EPHB1: variants seen among roughly 807,000 people sequenced by gnomAD.
The protein encoded by EPHB1 is EPH receptor B1, also known as ephrin type-B receptor 1.
In EPHB1, 30 loss-of-function variants were observed where a neutral mutation model predicts 94.4. The ratio of observed to expected loss-of-function variants is 0.32; its 90% CI spans 0.24 to 0.43. The LOEUF (loss-of-function observed/expected upper bound fraction) is 0.43, where lower values mean the gene tolerates loss of function less well. EPHB1 is among the 20% of genes least tolerant of loss of function. EPHB1 has a pLI of 1.00. For missense variants in EPHB1, 1,055 were observed against 1,308.3 expected (o/e 0.81, Z 2.99); for synonymous variants, 522 against 489.1 (o/e 1.07, Z -0.89).
At chr3:134,887,527 C>G (rs1164289265) in intron 1 of EPHB1, among the ~76,000 whole-genome samples, 1 of 152,170 alleles carries the variant, frequency 6.6e-6, no homozygotes, top group East Asian at 1.9e-4. Context: ...GGACAAAAGG[C>G]AGCCAGGAAG....
At chr3:135,021,408 C>G (rs1467507909) in intron 3 of EPHB1, among the ~76,000 whole-genome samples, 1 of 151,834 alleles carries the variant, frequency 6.6e-6, no homozygotes, top group African/African-American at 2.4e-5. Flanking sequence ...CAATTTAGGG[C>G]CTTCCCGATG....
chr3:135,114,663 C>A (rs1559836540), intron 4 of EPHB1, among the ~76,000 whole-genome samples: 1 of 149,678 alleles, frequency 6.7e-6, no homozygotes, highest in Non-Finnish European at 1.5e-5. Flanking sequence ...GCAGAGGTTG[C>A]AGTGAGCCAA....
intron 1 of EPHB1, among the ~76,000 whole-genome samples, chr3:134,807,541 G>A (rs59581889): frequency 0.63 from 54,526 of 87,222 alleles, 12,057 homozygotes; most frequent in African/African-American, 0.71. Flanking sequence ...GTGTGTGTGT[G>A]AGAGAGAGAG....
At chr3:134,905,652 T>C (rs1205056911) in intron 1 of EPHB1, among the ~76,000 whole-genome samples, 1 of 152,060 alleles carries the variant, frequency 6.6e-6, no homozygotes, top group Non-Finnish European at 1.5e-5. Context: ...GCCTGTGGAG[T>C]ACACCACACT....
chr3:135,143,432 C>T (rs954715978), intron 5 of EPHB1, among the ~76,000 whole-genome samples: 6 of 152,180 alleles, frequency 3.9e-5, no homozygotes, highest in South Asian at 4.2e-4. Flanking sequence ...TGATGTCAGC[C>T]TTAGGGTGGT....
intron 3 of EPHB1, among the ~76,000 whole-genome samples, chr3:134,959,966 C>CTTTTTTTTTTTTTTTT (rs61369813): frequency 5.6e-5 from 6 of 107,376 alleles, no homozygotes; most frequent in Non-Finnish European, 9.6e-5. Flanking sequence ...ACATCTGCAC[C>CTTTTTTTTTTTTTTTT]TTTTTTTTTT....
intron 3 of EPHB1, among the ~76,000 whole-genome samples, chr3:135,047,437 A>G (rs1937027853): frequency 6.6e-6 from 1 of 152,192 alleles, no homozygotes; most frequent in South Asian, 2.1e-4. Context: ...ACCCTGTTAA[A>G]GGTCCATTGG....
chr3:135,103,602 C>T (rs991981774), intron 3 of EPHB1, among the ~76,000 whole-genome samples: 1 of 152,162 alleles, frequency 6.6e-6, no homozygotes, highest in Non-Finnish European at 1.5e-5. Context: ...CTTTTTCATA[C>T]ACCTTTTATG....
intron 12 of EPHB1, among the ~76,000 whole-genome samples, chr3:135,240,165 GT>G: frequency 6.6e-6 from 1 of 152,216 alleles, no homozygotes. Flanking sequence ...ACTTTTCAAT[GT>G]TTTTAACAAT....
intron 13 of EPHB1, among the ~76,000 whole-genome samples, chr3:135,247,860 T>C (rs1943965582): frequency 6.6e-6 from 1 of 152,292 alleles, no homozygotes; most frequent in South Asian, 2.1e-4. Context: ...CTCTTCCAAA[T>C]GAAAGAATGA....
intron 10 of EPHB1, among the ~76,000 whole-genome samples, chr3:135,189,040 A>C (rs1021185471): frequency 6.6e-6 from 1 of 152,344 alleles, no homozygotes; most frequent in Non-Finnish European, 1.5e-5. Context: ...TAATTTTTAA[A>C]AACTGTATGA....
intron 5 of EPHB1, among the ~76,000 whole-genome samples, chr3:135,133,886 T>G (rs1313356670): frequency 6.6e-6 from 1 of 152,242 alleles, no homozygotes; most frequent in Non-Finnish European, 1.5e-5. Flanking sequence ...TAAGAGACAG[T>G]CATTTAGCAT....
intron 1 of EPHB1, among the ~76,000 whole-genome samples, chr3:134,891,497 A>G (rs2037982658): frequency 6.6e-6 from 1 of 152,342 alleles, no homozygotes; most frequent in East Asian, 1.9e-4. Context: ...AATAGAAAGT[A>G]TCCATGTACT....
At chr3:134,805,555 C>T (rs889176478) in intron 1 of EPHB1, among the ~76,000 whole-genome samples, 2 of 152,130 alleles carry the variant, frequency 1.3e-5, no homozygotes, top group African/African-American at 2.4e-5. Flanking sequence ...TCCTGCCCAG[C>T]AGCACTTCCT....
At chr3:135,135,157 T>C (rs1263210786) in intron 5 of EPHB1, among the ~76,000 whole-genome samples, 17 of 152,088 alleles carry the variant, frequency 1.1e-4, no homozygotes, top group Admixed American at 1.1e-3. Flanking sequence ...CACCTTCCAA[T>C]CTATGATTCC....
intron 3 of EPHB1, among the ~76,000 whole-genome samples, chr3:134,958,409 A>AGG (rs746033923): frequency 1.0e-5 from 1 of 96,800 alleles, no homozygotes; most frequent in African/African-American, 5.5e-5. Flanking sequence ...GAGGAACACA[A>AGG]GGGAGTGTGT....
At chr3:135,252,205 ATATTTTTTATT>A (rs1253741416) in intron 15 of EPHB1, among the ~76,000 whole-genome samples, 1 of 150,950 alleles carries the variant, frequency 6.6e-6, no homozygotes, top group Admixed American at 6.6e-5. Context: ...TTATTTTTTA[ATATTTTTTATT>A]TATTTTTTAT....
At chr3:135,235,957 C>A (rs1943641754) in intron 12 of EPHB1, among the ~76,000 whole-genome samples, 1 of 152,166 alleles carries the variant, frequency 6.6e-6, no homozygotes, top group Non-Finnish European at 1.5e-5. Flanking sequence ...CCTCTTGCCC[C>A]CTAATAGTAG....
intron 9 of EPHB1, among the ~76,000 whole-genome samples, chr3:135,175,966 A>G (rs1203023475): frequency 1.3e-5 from 2 of 152,222 alleles, no homozygotes; most frequent in Non-Finnish European, 2.9e-5. Context: ...GAGCAGGAAC[A>G]TGCTGATGTA....
Sources: gnomAD v4.1 joint callset for allele counts (sites outside exome capture counted in the v4.1 genomes callset) on GRCh38, gnomAD v4.1.1 for gene constraint, MANE v1.5 for transcripts, NCBI Gene and HGNC (gene_info 2026-07-23, HGNC 2026-07-21) for gene names.